The following ABCG1 variants were observed in gnomAD, a reference collection of about 807,000 sequenced individuals.
ABCG1 encodes the protein ATP binding cassette subfamily G member 1.
A neutral mutation model predicts 69.2 loss-of-function variants in ABCG1; 29 were observed. That is an observed-to-expected ratio of 0.42 (90% CI 0.31 to 0.57). ABCG1 has a LOEUF of 0.57. Among genes scored for constraint, ABCG1 ranks in the 20% least tolerant of loss-of-function variants. The pLI is 0.15. For missense variants in ABCG1, 718 were observed against 898.1 expected (o/e 0.80, Z 2.56); for synonymous variants, 370 against 374.8 (o/e 0.99, Z 0.15).
chr21:42,276,001 C>A lies in ABCG1; in HGVS notation c.538-894C>A, dbSNP rs1430008637. 7.0e-6 allele frequency among the ~76,000 whole-genome samples: 1 copy of A among 143,296 alleles called. No individual in the cohort carries two copies. 94.0% of individuals were successfully genotyped at this position (143,296 alleles called of 152,430 possible). A position where few individuals can be genotyped will look rare whatever the true frequency, so the allele number is the denominator to read the frequency against. ...GACCTCTTTGCCCCACACCCCGCCC[C>A]CCTCCCCGCCACCGCCCTGCATCTC... On this transcript the variant is annotated intron_variant, in intron 4 of 14. Coordinates refer to ENST00000398449, the MANE Select transcript of ABCG1 (RefSeq NM_016818.3). This position sits in a 1 kb window ranked among gnomAD's most constrained non-coding sequence, Gnocchi z 5.3.
chr21:42,219,451 G>A lies in ABCG1; in HGVS notation c.42+147G>A. ...CCCAGGGCACCCTAGAGTGGCGCCCGGCTCCGATCGCTGCCCCTGCCCCTC... is the reference window on the plus strand; with the variant it reads ...CCCAGGGCACCCTAGAGTGGCGCCCAGCTCCGATCGCTGCCCCTGCCCCTC... On this transcript the variant is annotated intron_variant, in intron 1 of 14. Transcript: ENST00000398449. The surrounding 1 kb of genome is among the most constrained non-coding windows in gnomAD (Gnocchi z 5.3). The A allele has an allele frequency of 8.5e-7, 1 of 1,182,838 alleles. No individual in the cohort carries two copies. Among genetic ancestry groups the A allele is most frequent in the South Asian group, 1.6e-5 (1 of 64,216 alleles). The allele number at this position is 1,182,838 out of a possible 1,614,324, so 73.3% of individuals were successfully genotyped here. A position where few individuals can be genotyped will look rare whatever the true frequency, so the allele number is the denominator to read the frequency against.
intron 2 of ABCG1, among the ~76,000 whole-genome samples, chr21:42,267,635 G>C (rs111213057): frequency 0.64 from 79,974 of 123,992 alleles, 24,825 homozygotes; most frequent in African/African-American, 0.77. Context: ...CTGTCTGGGT[G>C]TGGTCTGGGT....
intron 2 of ABCG1, among the ~76,000 whole-genome samples, chr21:42,207,736 G>A (rs1054214264): frequency 2.0e-5 from 3 of 152,156 alleles, no homozygotes; most frequent in African/African-American, 4.8e-5. Context: ...CCACTGGATG[G>A]GGGTTGAAGT....
At chr21:42,258,630 C>A (rs1432263568) in intron 2 of ABCG1, among the ~76,000 whole-genome samples, 1 of 150,560 alleles carries the variant, frequency 6.6e-6, no homozygotes, top group Non-Finnish European at 1.5e-5. Flanking sequence ...ACTCTATCAG[C>A]CTCTCCATCC....
At chr21:42,221,775 C>A (rs539206172) in intron 1 of ABCG1, among the ~76,000 whole-genome samples, 2 of 152,332 alleles carry the variant, frequency 1.3e-5, no homozygotes, top group South Asian at 4.1e-4. Flanking sequence ...CTGGCTCCTC[C>A]TCCTGTTTCC....
rs572212940 is a variant in ABCG1 at position 42,225,698 on chromosome 21, A to C, written c.70A>C (p.Thr24Pro). ...MNASSYSAEM[T>P]EPKSVCVSVD... Reference sequence around the variant, plus strand: ...TGCCAGCAGTTACTCTGCAGAGATGACGGAGCCCAAGTCGGTGTGTGTCTC... The same window carrying C: ...TGCCAGCAGTTACTCTGCAGAGATGCCGGAGCCCAAGTCGGTGTGTGTCTC... Residue 24 changes from threonine to proline, a missense_variant, in exon 2 of 15, where the codon ACG becomes CCG. Coordinates refer to ENST00000398449, the MANE Select transcript of ABCG1 (RefSeq NM_016818.3). 6.2e-7 allele frequency: 1 copy of C among 1,612,268 alleles called. No homozygotes were observed. Among genetic ancestry groups the C allele is most frequent in the African/African-American group, 1.3e-5 (1 of 74,362 alleles).
chr21:42,265,545 G>C (rs913417789), intron 2 of ABCG1, among the ~76,000 whole-genome samples: 4 of 152,176 alleles, frequency 2.6e-5, no homozygotes, highest in African/African-American at 9.6e-5. Flanking sequence ...GGAACACCTG[G>C]AGCACCAGCG....
At chr21:42,234,180 G>T (rs553154410) in intron 2 of ABCG1, among the ~76,000 whole-genome samples, 1 of 152,160 alleles carries the variant, frequency 6.6e-6, no homozygotes, top group Non-Finnish European at 1.5e-5. Flanking sequence ...GGAGGGTGGA[G>T]GGGGAACGAG....
At chr21:42,250,917 C>T (rs1282056358) in intron 2 of ABCG1, among the ~76,000 whole-genome samples, 1 of 152,170 alleles carries the variant, frequency 6.6e-6, no homozygotes, top group Admixed American at 6.5e-5. Flanking sequence ...ACCCACCAGA[C>T]ACATGAAGGG....
At chr21:42,209,393 A>G (rs2067568642) in intron 2 of ABCG1, among the ~76,000 whole-genome samples, 1 of 152,228 alleles carries the variant, frequency 6.6e-6, no homozygotes, top group Admixed American at 6.5e-5. Flanking sequence ...TTGTCCAAAC[A>G]TAACTCATGG....
In ABCG1 at chr21:42,290,014, G is replaced by T. The variant is rs766974028; in HGVS notation, c.1225-36G>T. ...TGTTCTCTGAGCCGAGGACGGCTTT[G>T]CGAACGCACTGGGTAAGATGCGGGT... On this transcript the variant is annotated intron_variant, in intron 10 of 14. Transcript: ENST00000398449. The T allele has an allele frequency of 1.7e-5, 28 of 1,613,900 alleles. No homozygotes were observed. In the South Asian group the frequency reaches 3.0e-4, roughly 17 times the overall value.
chr21:42,236,309 C>T (rs1420520503), intron 2 of ABCG1, among the ~76,000 whole-genome samples: 2 of 152,222 alleles, frequency 1.3e-5, no homozygotes, highest in Non-Finnish European at 2.9e-5. Context: ...GAGTGTTTTC[C>T]AGGGCATCTA....
chr21:42,274,635 C>T (rs112139406), intron 4 of ABCG1, among the ~76,000 whole-genome samples: 2,565 of 152,198 alleles, frequency 0.017, 89 homozygotes, highest in African/African-American at 0.058. Flanking sequence ...CCACCATGCC[C>T]GGCTGATTTG....
chr21:42,216,558 G>C (rs1460958324), upstream of ABCG1, among the ~76,000 whole-genome samples: 3 of 152,182 alleles, frequency 2.0e-5, no homozygotes. Context: ...GGTGACAGGA[G>C]CAAGCCTGCA....
chr21:42,231,655 G>A (rs1249674497), intron 2 of ABCG1, among the ~76,000 whole-genome samples: 1 of 152,230 alleles, frequency 6.6e-6, no homozygotes, highest in African/African-American at 2.4e-5. Flanking sequence ...CCAAGTGCTA[G>A]TGACTTGATC....
At chr21:42,251,660 G>C (rs551224539) in intron 2 of ABCG1, among the ~76,000 whole-genome samples, 1 of 152,172 alleles carries the variant, frequency 6.6e-6, no homozygotes, top group African/African-American at 2.4e-5. Context: ...AATGGGAAAC[G>C]TGTCTGGAAG....
intron 2 of ABCG1, among the ~76,000 whole-genome samples, chr21:42,232,027 T>A (rs2067908557): frequency 6.6e-6 from 1 of 152,154 alleles, no homozygotes; most frequent in African/African-American, 2.4e-5. Flanking sequence ...CTGGGGCCAG[T>A]TCCTAGGTTC....
At chr21:42,209,793 T>A (rs1317286987) in intron 2 of ABCG1, among the ~76,000 whole-genome samples, 1 of 152,206 alleles carries the variant, frequency 6.6e-6, no homozygotes, top group Non-Finnish European at 1.5e-5. Flanking sequence ...TGCTGACACC[T>A]CTCATCCTTG....
chr21:42,259,942 G>A, intron 2 of ABCG1: 2 of 1,479,868 alleles, frequency 1.4e-6, no homozygotes, highest in Non-Finnish European at 1.8e-6. Flanking sequence ...CTGTGGGTTG[G>A]ACGGTGGTGT....
Sources: gnomAD v4.1 joint callset for allele counts (sites outside exome capture counted in the v4.1 genomes callset) on GRCh38, gnomAD v4.1.1 for gene constraint, Gnocchi (gnomAD v3.1) non-coding constraint, MANE v1.5 for transcripts, NCBI Gene and HGNC (gene_info 2026-07-23, HGNC 2026-07-21) for gene names.